Variants in ADAMTS9 observed in about 807,000 individuals in gnomAD.
The protein encoded by ADAMTS9 is A disintegrin and metalloproteinase with thrombospondin motifs 9.
A neutral mutation model predicts 257.1 loss-of-function variants in ADAMTS9; 107 were observed. The observed-to-expected ratio is 0.42, with a 90% CI of 0.36 to 0.49. ADAMTS9 has a LOEUF of 0.49. Ranked by LOEUF, ADAMTS9 falls within the 20% of genes least tolerant of loss-of-function variation. The probability of loss-of-function intolerance (pLI) is 0.03; values close to 1 mark genes in which losing one functional copy is unlikely to be tolerated. For missense variants in ADAMTS9, 2,353 were observed against 2,469.1 expected (o/e 0.95, Z 1.00); for synonymous variants, 982 against 880.9 (o/e 1.11, Z -2.03).
chr3:64,588,203 T>C (rs543027770), intron 28 of ADAMTS9: 27 of 152,316 alleles, frequency 1.8e-4, no homozygotes, highest in African/African-American at 6.5e-4. Context: ...CCTACCCTAA[T>C]AGCAAGTTGT....
At chr3:64,528,865 C>A (rs1359810415) in intron 38 of ADAMTS9, among the ~76,000 whole-genome samples, 4 of 152,076 alleles carry the variant, frequency 2.6e-5, no homozygotes, top group Non-Finnish European at 5.9e-5. Context: ...CTGAGTCCCC[C>A]CTCTCCCCAC....
intron 3 of ADAMTS9, among the ~76,000 whole-genome samples, chr3:64,666,888 T>C (rs1199486819): frequency 1.3e-5 from 2 of 152,212 alleles, no homozygotes; most frequent in Non-Finnish European, 2.9e-5. Flanking sequence ...TGGATCCTCC[T>C]GTAATCCCAG....
chr3:64,550,815 C>A, intron 31 of ADAMTS9, 77 bp downstream of exon 31: 3 of 1,570,516 alleles, frequency 1.9e-6, no homozygotes, highest in Non-Finnish European at 2.6e-6. Flanking sequence ...CATTCCTGCA[C>A]TCATCCCTCC....
At chr3:64,593,952 GTGTGTATGA>G (rs1287196173) in intron 28 of ADAMTS9, among the ~76,000 whole-genome samples, 10 of 103,854 alleles carry the variant, frequency 9.6e-5, no homozygotes, top group African/African-American at 4.5e-4. Context: ...ATGTATGTGT[GTGTGTATGA>G]TGTGTGTGTG....
At chr3:64,536,031 C>G (rs1170410742) in intron 37 of ADAMTS9, among the ~76,000 whole-genome samples, 1 of 152,168 alleles carries the variant, frequency 6.6e-6, no homozygotes, top group African/African-American at 2.4e-5. Flanking sequence ...TGCTTTGGCA[C>G]TGAAGTTTTC....
chr3:64,686,688 G>A lies in ADAMTS9; in HGVS notation c.396C>T (p.Pro132=). ...PLFTVTLLGT[P]GVNQTKFYSE... is the part of the protein sequence containing the mutation. ...AATAAAACTTGGTCTGATTCACCCCGGGCGTCCCGAGGAGGGTGACAGTGA... is the reference window on the plus strand; with the variant it reads ...AATAAAACTTGGTCTGATTCACCCCAGGCGTCCCGAGGAGGGTGACAGTGA... The change falls in exon 2 of 40, where the codon CCC becomes CCT. Residue 132 remains proline (P), a synonymous_variant. Coordinates refer to ENST00000498707, the MANE Select transcript of ADAMTS9 (RefSeq NM_182920.2). The surrounding 1 kb of genome is among the most constrained non-coding windows in gnomAD (Gnocchi z 4.6). 4 of 1,614,198 alleles carry A rather than the reference G, an allele frequency of 2.5e-6. No homozygotes were observed. Among genetic ancestry groups the A allele is most frequent in the Non-Finnish European group, 3.4e-6 (4 of 1,180,042 alleles).
intron 37 of ADAMTS9, among the ~76,000 whole-genome samples, chr3:64,538,936 C>T (rs370346057): frequency 6.6e-6 from 1 of 152,068 alleles, no homozygotes; most frequent in African/African-American, 2.4e-5. Context: ...CCTCGCTAAC[C>T]GACATCTAAT....
At chr3:64,656,196 G>T (rs1701065034) in intron 4 of ADAMTS9, among the ~76,000 whole-genome samples, 1 of 152,128 alleles carries the variant, frequency 6.6e-6, no homozygotes, top group South Asian at 2.1e-4. Flanking sequence ...TGAAGTCCTG[G>T]ATTGCCAACT....
At chr3:64,590,123 A>G (rs538600284) in intron 28 of ADAMTS9, 1 of 152,334 alleles carries the variant, frequency 6.6e-6, no homozygotes, top group African/African-American at 2.4e-5. Flanking sequence ...GGACAACAGT[A>G]CTAGAAAAGA....
At chr3:64,615,279 G>A (rs748425156) in intron 21 of ADAMTS9, 42 bp downstream of exon 21, 4 of 1,599,154 alleles carry the variant, frequency 2.5e-6, no homozygotes, top group Admixed American at 3.4e-5. Flanking sequence ...GAACTAGAAT[G>A]TAAGAGATGA....
At chr3:64,578,970 C>T (rs2083925704) in intron 28 of ADAMTS9, among the ~76,000 whole-genome samples, 1 of 152,186 alleles carries the variant, frequency 6.6e-6, no homozygotes, top group African/African-American at 2.4e-5. Flanking sequence ...GTACCCTCTG[C>T]TAAATCCAGA....
chr3:64,581,855 G>A (rs986065604), intron 28 of ADAMTS9, among the ~76,000 whole-genome samples: 1 of 152,132 alleles, frequency 6.6e-6, no homozygotes, highest in African/African-American at 2.4e-5. Flanking sequence ...AAAATCCAAT[G>A]TTTCATTAGA....
chr3:64,681,819 C>T (rs551064763), intron 2 of ADAMTS9, among the ~76,000 whole-genome samples: 1 of 152,136 alleles, frequency 6.6e-6, no homozygotes, highest in Non-Finnish European at 1.5e-5. Context: ...CTTGATTTGA[C>T]TTCAGTTGAT....
intron 28 of ADAMTS9, among the ~76,000 whole-genome samples, chr3:64,574,314 T>C (rs1165188131): frequency 1.3e-5 from 2 of 152,094 alleles, no homozygotes; most frequent in Non-Finnish European, 1.5e-5. Flanking sequence ...CCAACAGCAG[T>C]CTGGTGGCTC....
chr3:64,626,993 T>C (rs1012161367), intron 16 of ADAMTS9, among the ~76,000 whole-genome samples: 13 of 152,196 alleles, frequency 8.5e-5, no homozygotes, highest in African/African-American at 3.1e-4. Context: ...TGCTCCCTAA[T>C]GCGGGTCATT....
intron 16 of ADAMTS9, among the ~76,000 whole-genome samples, chr3:64,625,544 G>A (rs1160750168): frequency 6.6e-6 from 1 of 152,122 alleles, no homozygotes; most frequent in East Asian, 1.9e-4. Flanking sequence ...CATGCAATTG[G>A]ACACCTTACT....
At chr3:64,595,651 A>G (rs1404449845) in intron 27 of ADAMTS9, among the ~76,000 whole-genome samples, 1 of 152,218 alleles carries the variant, frequency 6.6e-6, no homozygotes, top group East Asian at 1.9e-4. Flanking sequence ...CTCCAGAATG[A>G]CATAACTGTC....
intron 16 of ADAMTS9, 147 bp from the exon 17 acceptor site, chr3:64,622,733 T>C (rs1282700484): frequency 2.6e-6 from 2 of 758,076 alleles, no homozygotes; most frequent in Non-Finnish European, 4.2e-6. Flanking sequence ...AGTCCCAAGT[T>C]TGCTACTTGC....
intron 19 of ADAMTS9, 129 bp downstream of exon 19, chr3:64,620,985 G>T: frequency 1.7e-6 from 2 of 1,197,994 alleles, no homozygotes; most frequent in Non-Finnish European, 2.3e-6. Context: ...ATTGGTTAAA[G>T]CTTATTTCAC....
Sources: gnomAD v4.1 joint callset for allele counts (sites outside exome capture counted in the v4.1 genomes callset) on GRCh38, gnomAD v4.1.1 for gene constraint, Gnocchi (gnomAD v3.1) non-coding constraint, MANE v1.5 for transcripts, NCBI Gene and HGNC (gene_info 2026-07-23, HGNC 2026-07-21) for gene names.